The following TRDN variants were observed in gnomAD, a reference collection of about 807,000 sequenced individuals.
The protein encoded by TRDN is triadin in skeletal muscle.
In TRDN, 161 loss-of-function variants were observed where a neutral mutation model predicts 149.7. The ratio of observed to expected loss-of-function variants is 1.08; its 90% CI spans 0.95 to 1.23. The LOEUF is 1.23. Ranked by LOEUF, TRDN falls within the 50% of genes most tolerant of loss-of-function variation. TRDN has a pLI of 0.00. For synonymous variants in TRDN, 294 were observed against 250.5 expected, an observed-to-expected ratio of 1.17 and a Z score of -1.64; for missense variants, 896 against 823.5, an observed-to-expected ratio of 1.09 and a Z score of -1.08.
chr6:123,452,446 A>G (rs1240204655), intron 10 of TRDN, among the ~76,000 whole-genome samples: 1 of 152,074 alleles, frequency 6.6e-6, no homozygotes, highest in African/African-American at 2.4e-5. Context: ...TCTTCTATAC[A>G]TCAGCAACAA....
rs1778827207 is a variant in TRDN, at chr6:123,504,394, C to CA, written c.611-494dup. 2.0e-5 allele frequency among the ~76,000 whole-genome samples: 3 copies of CA among 152,084 alleles called. No homozygotes were observed. In the South Asian group the frequency reaches 6.2e-4, roughly 31 times the overall value. The stretch of plus-strand genomic sequence containing the variant: ...ATGCCAACAAAGTCTTTTTTAAAGA[C>CA]AACAATTAGTAATGCAAGTGTAAAA... On this transcript the variant is annotated intron_variant, in intron 7 of 40. Transcript: ENST00000334268.
chr6:123,632,985 G>T (rs1198458136), intron 1 of TRDN, among the ~76,000 whole-genome samples: 2 of 151,892 alleles, frequency 1.3e-5, no homozygotes, highest in Non-Finnish European at 2.9e-5. Context: ...TCATAGGTTT[G>T]ATTGTTACAG....
chr6:123,486,962 C>A (rs1777999692), intron 9 of TRDN, among the ~76,000 whole-genome samples: 1 of 151,878 alleles, frequency 6.6e-6, no homozygotes, highest in Non-Finnish European at 1.5e-5. Context: ...AGAACAAAGG[C>A]TAGGAGACAT....
chr6:123,581,155 A>G (rs1051599372), intron 1 of TRDN, among the ~76,000 whole-genome samples: 10 of 152,320 alleles, frequency 6.6e-5, no homozygotes, highest in African/African-American at 2.4e-4. Flanking sequence ...TAAAGTGGCC[A>G]AAAGTTCCTG....
At chr6:123,271,854 T>TA (rs1777216922) in intron 29 of TRDN, among the ~76,000 whole-genome samples, 1 of 152,006 alleles carries the variant, frequency 6.6e-6, no homozygotes, top group Non-Finnish European at 1.5e-5. Flanking sequence ...GTAACTGAAG[T>TA]AAAAGAGTTG....
chr6:123,525,093 C>T (rs1779879730), intron 5 of TRDN, among the ~76,000 whole-genome samples: 1 of 152,040 alleles, frequency 6.6e-6, no homozygotes, highest in Non-Finnish European at 1.5e-5. Context: ...AACACTTATA[C>T]ACTGTTAATG....
chr6:123,494,354 GA>G (rs1209979309), intron 9 of TRDN, among the ~76,000 whole-genome samples: 2 of 152,056 alleles, frequency 1.3e-5, no homozygotes, highest in Non-Finnish European at 2.9e-5. Flanking sequence ...TCTGTTGTTA[GA>G]TTTTTCAGAA....
intron 1 of TRDN, among the ~76,000 whole-genome samples, chr6:123,629,051 G>T (rs1386899504): frequency 6.6e-6 from 1 of 151,970 alleles, no homozygotes; most frequent in African/African-American, 2.4e-5. Context: ...TTTTCCCCTA[G>T]TCAATAATAT....
At chr6:123,292,869 G>A (rs1864646) in intron 24 of TRDN, among the ~76,000 whole-genome samples, 132,117 of 152,128 alleles carry the variant, frequency 0.87, 57,694 homozygotes, top group East Asian at 0.99. Context: ...GGGAGCTACA[G>A]TTTTTCTCTT....
intron 4 of TRDN, among the ~76,000 whole-genome samples, chr6:123,544,047 G>T (rs1010558204): frequency 6.6e-6 from 1 of 151,836 alleles, no homozygotes. Flanking sequence ...TTAATATATT[G>T]CAAATCTTCA....
chr6:123,576,973 A>G (rs960585660), intron 1 of TRDN, among the ~76,000 whole-genome samples: 9 of 150,818 alleles, frequency 6.0e-5, no homozygotes, highest in African/African-American at 2.2e-4. Flanking sequence ...AAATAAAATA[A>G]AAAAAAAAGA....
intron 1 of TRDN, among the ~76,000 whole-genome samples, chr6:123,635,805 C>T (rs1427831194): frequency 2.0e-5 from 3 of 151,914 alleles, no homozygotes; most frequent in African/African-American, 7.2e-5. Flanking sequence ...ATTTTAGATC[C>T]ACCTCCAAAA....
intron 10 of TRDN, among the ~76,000 whole-genome samples, chr6:123,451,807 C>T (rs1311728122): frequency 6.6e-6 from 1 of 152,028 alleles, no homozygotes; most frequent in Non-Finnish European, 1.5e-5. Flanking sequence ...ATGAAAACTA[C>T]AGACCAATAT....
intron 24 of TRDN, among the ~76,000 whole-genome samples, chr6:123,309,267 G>T (rs1778726136): frequency 6.6e-6 from 1 of 151,616 alleles, no homozygotes; most frequent in Admixed American, 6.6e-5. Flanking sequence ...CTGCAACTTT[G>T]CCATCTTCTG....
chr6:123,259,567 T>G, intron 35 of TRDN, 57 bp downstream of exon 35: 1 of 1,242,840 alleles, frequency 8.0e-7, no homozygotes, highest in Non-Finnish European at 1.1e-6. Flanking sequence ...AATTTGTTTT[T>G]TGTTCCTCTG....
intron 1 of TRDN, among the ~76,000 whole-genome samples, chr6:123,584,783 C>T (rs377704486): frequency 4.3e-4 from 65 of 152,128 alleles, no homozygotes; most frequent in East Asian, 3.3e-3. Flanking sequence ...GTTTGAGATC[C>T]AGAACAGAAT....
chr6:123,563,686 T>A (rs1782119307), intron 2 of TRDN, among the ~76,000 whole-genome samples: 1 of 152,230 alleles, frequency 6.6e-6, no homozygotes, highest in South Asian at 2.1e-4. Flanking sequence ...TATTATAAAT[T>A]TAACAGATTA....
chr6:123,279,627 C>T (rs1451639023), intron 24 of TRDN, among the ~76,000 whole-genome samples: 1 of 152,026 alleles, frequency 6.6e-6, no homozygotes, highest in Admixed American at 6.6e-5. Context: ...CTACTTCTCA[C>T]TCCCACTTCA....
chr6:123,254,973 T>C, intron 37 of TRDN, 108 bp downstream of exon 37: 1 of 681,466 alleles, frequency 1.5e-6, no homozygotes, highest in East Asian at 3.0e-5. Flanking sequence ...AAGAGAAGTT[T>C]GCATCTTCTA....
Sources: gnomAD v4.1 joint callset for allele counts (sites outside exome capture counted in the v4.1 genomes callset) on GRCh38, gnomAD v4.1.1 for gene constraint, MANE v1.5 for transcripts, NCBI Gene and HGNC (gene_info 2026-07-23, HGNC 2026-07-21) for gene names.